The following NPAS3 variants were observed in gnomAD, a reference collection of about 807,000 sequenced individuals.
NPAS3 encodes the protein neuronal PAS domain-containing protein 3.
Under a neutral mutation model 73.1 loss-of-function variants are expected in NPAS3, and 14 were observed. The observed-to-expected ratio is 0.19, with a 90% CI of 0.13 to 0.30. NPAS3 has a LOEUF of 0.30. Among genes scored for constraint, NPAS3 ranks in the 10% least tolerant of loss-of-function variants. The pLI is 1.00. For missense variants in NPAS3, 1,096 were observed against 1,250.0 expected (o/e 0.88, Z 1.86); for synonymous variants, 620 against 541.5 (o/e 1.14, Z -2.01).
chr14:33,379,090 A>T (rs1309433128), intron 4 of NPAS3, among the ~76,000 whole-genome samples: 1 of 152,212 alleles, frequency 6.6e-6, no homozygotes, highest in Non-Finnish European at 1.5e-5. Context: ...GTGTAAGATT[A>T]TCCTCAGGTT....
intron 4 of NPAS3, among the ~76,000 whole-genome samples, chr14:33,512,273 C>CTT (rs34758120): frequency 6.6e-6 from 1 of 151,144 alleles, no homozygotes; most frequent in African/African-American, 2.4e-5. Flanking sequence ...TGTAGAACAT[C>CTT]TTTTTTTTTC....
intron 2 of NPAS3, among the ~76,000 whole-genome samples, chr14:33,072,834 C>A (rs939875661): frequency 6.6e-6 from 1 of 152,252 alleles, no homozygotes; most frequent in East Asian, 1.9e-4. Context: ...GTCTCTCTTT[C>A]TCTGGGACAG....
At chr14:33,247,553 C>T (rs2048436762) in intron 3 of NPAS3, among the ~76,000 whole-genome samples, 1 of 152,160 alleles carries the variant, frequency 6.6e-6, no homozygotes, top group African/African-American at 2.4e-5. Context: ...GGGCATTGTG[C>T]ATTCGTGTAG....
intron 1 of NPAS3, among the ~76,000 whole-genome samples, chr14:32,946,348 G>GCACGCACACACACA (rs1555374429): frequency 7.2e-6 from 1 of 139,314 alleles, no homozygotes; most frequent in African/African-American, 2.7e-5. Context: ...ACACACACGC[G>GCACGCACACACACA]CACACACACA....
chr14:33,648,742 C>G (rs1753798725), intron 5 of NPAS3, among the ~76,000 whole-genome samples: 1 of 152,148 alleles, frequency 6.6e-6, no homozygotes, highest in Non-Finnish European at 1.5e-5. Flanking sequence ...AGACAGCCTG[C>G]TCTCCTTTTT....
intron 5 of NPAS3, among the ~76,000 whole-genome samples, chr14:33,671,736 T>A (rs1185818322): frequency 2.6e-5 from 4 of 152,172 alleles, no homozygotes. Context: ...TGGAGTAAAG[T>A]TAGACCAAGT....
intron 2 of NPAS3, among the ~76,000 whole-genome samples, chr14:33,194,479 A>C (rs1413989158): frequency 2.0e-5 from 3 of 152,208 alleles, no homozygotes; most frequent in Non-Finnish European, 4.4e-5. Context: ...AAATTAACTT[A>C]AACAGTGTTT....
rs192929860 is a variant in NPAS3 at position 33,574,675 on chromosome 14, G to C, written c.558+14465G>C. Among the ~76,000 whole-genome samples the C allele has an allele frequency of 1.5e-3, 231 of 152,298 alleles. 1 individual carries two copies. Among genetic ancestry groups the C allele is most frequent in the African/African-American group, 5.2e-3 (216 of 41,572 alleles). ...TGAAGCTGAGGCAACTTTAAGTGGA[G>C]AAGCTGGGGTGTATAGAAAGATATA... On this transcript the variant is annotated intron_variant, in intron 5 of 11. Coordinates refer to ENST00000356141, the Ensembl canonical transcript of NPAS3.
intron 2 of NPAS3, among the ~76,000 whole-genome samples, chr14:33,071,901 C>CT (rs1566529522): frequency 6.6e-6 from 1 of 151,880 alleles, no homozygotes; most frequent in East Asian, 1.9e-4. Context: ...TCTTTTCTTT[C>CT]TTTTTTTGAG....
intron 4 of NPAS3, among the ~76,000 whole-genome samples, chr14:33,448,432 C>T (rs1335423406): frequency 1.3e-5 from 2 of 152,110 alleles, no homozygotes; most frequent in African/African-American, 2.4e-5. Flanking sequence ...GCAAAAGAAG[C>T]TCGTGAGCTC....
At chr14:33,375,398 G>A (rs2046270196) in intron 4 of NPAS3, among the ~76,000 whole-genome samples, 1 of 152,194 alleles carries the variant, frequency 6.6e-6, no homozygotes, top group Non-Finnish European at 1.5e-5. Flanking sequence ...AGACCAGTTT[G>A]CACTAATTTG....
At chr14:33,294,473 A>G (rs1467891353) in intron 3 of NPAS3, among the ~76,000 whole-genome samples, 2 of 152,204 alleles carry the variant, frequency 1.3e-5, no homozygotes, top group East Asian at 3.9e-4. Flanking sequence ...TCAGTGGCTC[A>G]ATTCCTTCCT....
intron 4 of NPAS3, among the ~76,000 whole-genome samples, chr14:33,482,676 C>G (rs1050999938): frequency 2.0e-5 from 3 of 152,062 alleles, no homozygotes; most frequent in African/African-American, 7.2e-5. Context: ...TGTTCTTCTG[C>G]CACACCTGGC....
intron 4 of NPAS3, among the ~76,000 whole-genome samples, chr14:33,379,456 C>T (rs2046446456): frequency 6.6e-6 from 1 of 152,132 alleles, no homozygotes; most frequent in Admixed American, 6.5e-5. Flanking sequence ...TAAATATCTG[C>T]AAATCTTTGC....
intron 2 of NPAS3, among the ~76,000 whole-genome samples, chr14:33,109,082 C>T (rs918960981): frequency 4.6e-5 from 7 of 152,108 alleles, no homozygotes; most frequent in African/African-American, 4.8e-5. Flanking sequence ...TAAAGAAACA[C>T]GTTGCCTGAA....
chr14:33,789,472 A>C (rs2063282028), intron 9 of NPAS3, among the ~76,000 whole-genome samples: 2 of 151,454 alleles, frequency 1.3e-5, no homozygotes, highest in African/African-American at 4.8e-5. Flanking sequence ...AAGCTAACCT[A>C]TGCAAGTGTA....
intron 4 of NPAS3, among the ~76,000 whole-genome samples, chr14:33,516,798 A>G (rs1297281957): frequency 6.6e-6 from 1 of 152,046 alleles, no homozygotes; most frequent in Non-Finnish European, 1.5e-5. Flanking sequence ...TGAAGATAAG[A>G]ATTCTCATAA....
intron 3 of NPAS3, among the ~76,000 whole-genome samples, chr14:33,345,220 T>C (rs1190746910): frequency 6.6e-6 from 1 of 152,230 alleles, no homozygotes; most frequent in Non-Finnish European, 1.5e-5. Context: ...CACTTAAACC[T>C]GTGCAAACTT....
At chr14:33,694,464 G>A (rs964638569) in intron 6 of NPAS3, among the ~76,000 whole-genome samples, 1 of 152,160 alleles carries the variant, frequency 6.6e-6, no homozygotes, top group Non-Finnish European at 1.5e-5. Context: ...TCCTCTCCTG[G>A]TGTGATTTAA....
Sources: gnomAD v4.1 joint callset for allele counts (sites outside exome capture counted in the v4.1 genomes callset) on GRCh38, gnomAD v4.1.1 for gene constraint, MANE v1.5 for transcripts, NCBI Gene and HGNC (gene_info 2026-07-23, HGNC 2026-07-21) for gene names.